The following TASP1 variants were observed in gnomAD, a reference collection of about 807,000 sequenced individuals.
The protein encoded by TASP1 is taspase 1.
Under a neutral mutation model 56.6 loss-of-function variants are expected in TASP1, and 16 were observed. That is an observed-to-expected ratio of 0.28 (90% CI 0.19 to 0.43). TASP1 has a LOEUF of 0.43. Ranked by LOEUF, TASP1 falls within the 20% of genes least tolerant of loss-of-function variation. The pLI is 1.00. For synonymous variants in TASP1, 179 were observed against 184.2 expected, an observed-to-expected ratio of 0.97 and a Z score of 0.23; for missense variants, 393 against 511.6, an observed-to-expected ratio of 0.77 and a Z score of 2.24.
chr20:13,485,268 T>C (rs1445032427), intron 10 of TASP1, among the ~76,000 whole-genome samples: 2 of 152,164 alleles, frequency 1.3e-5, no homozygotes, highest in Non-Finnish European at 2.9e-5. Context: ...ATTAGAAATA[T>C]GTCATATTAT....
At chr20:13,221,904 C>T in the TASP1 span, 2 of 1,371,216 alleles carry the variant, frequency 1.5e-6, no homozygotes, top group Admixed American at 3.6e-5. Context: ...GCCAGCCAAG[C>T]CCAGCTGCAG....
At chr20:13,601,073 C>T (rs768120648) in intron 4 of TASP1, among the ~76,000 whole-genome samples, 7 of 152,070 alleles carry the variant, frequency 4.6e-5, no homozygotes, top group South Asian at 2.1e-4. Flanking sequence ...CTCAGGAGTT[C>T]GAGACCAGCC....
intron 13 of TASP1, among the ~76,000 whole-genome samples, chr20:13,410,925 T>C (rs2042074699): frequency 6.6e-6 from 1 of 152,174 alleles, no homozygotes; most frequent in African/African-American, 2.4e-5. Context: ...CTGAAGTATT[T>C]TCCCTATGTT....
the TASP1 span, among the ~76,000 whole-genome samples, chr20:13,211,125 T>A: frequency 6.6e-6 from 1 of 152,068 alleles, no homozygotes; most frequent in Non-Finnish European, 1.5e-5. Flanking sequence ...TCTCAGTAAT[T>A]AGAGCCATCA....
chr20:13,565,658 TA>T (rs2046501918), intron 7 of TASP1, among the ~76,000 whole-genome samples: 1 of 152,084 alleles, frequency 6.6e-6, no homozygotes, highest in African/African-American at 2.4e-5. Context: ...TCACAGCCAT[TA>T]GGATGCCAAC....
intron 6 of TASP1, among the ~76,000 whole-genome samples, chr20:13,577,538 G>A (rs1047475214): frequency 2.6e-5 from 4 of 152,098 alleles, no homozygotes; most frequent in Non-Finnish European, 5.9e-5. Flanking sequence ...GGGAAATAAT[G>A]AGAGTTGGAT....
At chr20:13,169,029 T>C in the TASP1 span, 1 of 152,034 alleles carries the variant, frequency 6.6e-6, no homozygotes, top group Admixed American at 6.6e-5. Context: ...ACTGAAACAT[T>C]TGAAACGACC....
At chr20:13,351,915 C>A in the TASP1 span, among the ~76,000 whole-genome samples, 1 of 152,106 alleles carries the variant, frequency 6.6e-6, no homozygotes, top group South Asian at 2.1e-4. Flanking sequence ...AACTAGTAAG[C>A]ACTTGAAATC....
At chr20:13,169,913 T>G in the TASP1 span, among the ~76,000 whole-genome samples, 93 of 152,306 alleles carry the variant, frequency 6.1e-4, 1 homozygote, top group African/African-American at 2.1e-3. Flanking sequence ...AAGGGGTGTC[T>G]TAATTTATTC....
chr20:13,517,736 G>GA (rs1372213425), intron 10 of TASP1, among the ~76,000 whole-genome samples: 3 of 152,074 alleles, frequency 2.0e-5, no homozygotes, highest in African/African-American at 2.4e-5. Context: ...TGGTTTCTTA[G>GA]AAAATCATCT....
the TASP1 span, among the ~76,000 whole-genome samples, chr20:13,144,554 T>A: frequency 6.6e-6 from 1 of 152,142 alleles, no homozygotes; most frequent in Non-Finnish European, 1.5e-5. Context: ...AGGACAAAAA[T>A]TTCTTGAGGC....
At chr20:13,179,182 T>C in the TASP1 span, among the ~76,000 whole-genome samples, 1 of 152,172 alleles carries the variant, frequency 6.6e-6, no homozygotes, top group African/African-American at 2.4e-5. Flanking sequence ...TTGGAAATAA[T>C]GTAACCACTT....
At chr20:13,276,710 T>C in the TASP1 span, among the ~76,000 whole-genome samples, 1 of 152,224 alleles carries the variant, frequency 6.6e-6, no homozygotes, top group Non-Finnish European at 1.5e-5. Context: ...TTCATCACAT[T>C]GATCATTGTT....
chr20:13,414,398 G>A (rs1337300282), intron 13 of TASP1, among the ~76,000 whole-genome samples: 1 of 152,062 alleles, frequency 6.6e-6, no homozygotes, highest in Non-Finnish European at 1.5e-5. Context: ...GGTGTTGCCT[G>A]GTTTCTCCAT....
intron 2 of TASP1, 70 bp downstream of exon 2, chr20:13,629,864 C>A: frequency 1.3e-6 from 2 of 1,595,658 alleles, no homozygotes; most frequent in East Asian, 4.6e-5. Context: ...ATGTGATTCT[C>A]AGTGTACTTC....
At chr20:13,361,119 C>T in the TASP1 span, among the ~76,000 whole-genome samples, 15 of 152,200 alleles carry the variant, frequency 9.9e-5, 1 homozygote, top group South Asian at 4.2e-4. Flanking sequence ...CAGGCCCCCT[C>T]CCTTCCCTAC....
chr20:13,249,170 A>C, the TASP1 span, among the ~76,000 whole-genome samples: 1 of 152,236 alleles, frequency 6.6e-6, no homozygotes, highest in East Asian at 1.9e-4. Context: ...TCTGGGGGGA[A>C]AAAGCCAAAT....
chr20:13,494,756 A>G (rs2043658898), intron 10 of TASP1, among the ~76,000 whole-genome samples: 1 of 152,136 alleles, frequency 6.6e-6, no homozygotes. Flanking sequence ...AAATCTGAGA[A>G]TATGGACAAG....
At chr20:13,235,635 T>C in the TASP1 span, among the ~76,000 whole-genome samples, 1 of 152,172 alleles carries the variant, frequency 6.6e-6, no homozygotes, top group African/African-American at 2.4e-5. Context: ...AGCACATGAT[T>C]CGGCCCCCAC....
Sources: gnomAD v4.1 joint callset for allele counts (sites outside exome capture counted in the v4.1 genomes callset) on GRCh38, gnomAD v4.1.1 for gene constraint, MANE v1.5 for transcripts, NCBI Gene and HGNC (gene_info 2026-07-23, HGNC 2026-07-21) for gene names.